Variants in TMEM74 observed in about 807,000 individuals in gnomAD.
TMEM74 encodes the protein transmembrane protein 74.
A neutral mutation model predicts 18.1 loss-of-function variants in TMEM74; 13 were observed. That is an observed-to-expected ratio of 0.72 (90% CI 0.47 to 1.14). The LOEUF is 1.14. Ranked by LOEUF, TMEM74 falls within the 50% of genes most tolerant of loss-of-function variation. The pLI, the probability that TMEM74 is intolerant of heterozygous loss-of-function variation, is 0.00. For missense variants in TMEM74, 372 were observed against 375.9 expected (o/e 0.99, Z 0.09); for synonymous variants, 159 against 146.6 (o/e 1.08, Z -0.61).
intron 2 of TMEM74, among the ~76,000 whole-genome samples, chr8:108,616,554 TTTA>T (rs1812385952): frequency 6.6e-6 from 1 of 152,182 alleles, no homozygotes; most frequent in African/African-American, 2.4e-5. Context: ...CAAGAATTAT[TTTA>T]TTATTTGATC....
In TMEM74 at chr8:108,784,884, T is replaced by G; in HGVS notation, c.215A>C (p.Gln72Pro). The G allele has an allele frequency of 1.2e-6, 2 of 1,614,164 alleles. No homozygotes were observed. The highest frequency in any genetic ancestry group is 1.7e-6 in the Non-Finnish European group (2 of 1,180,026). ...GGCATCTGGCTGAAGAGTACTGTTT[T>G]GCAGAGAGGAGGAGGGGGATGCTGG... is the stretch of plus-strand genomic sequence containing the variant. Reference protein sequence around the residue: ...SSPASPSSSLQNSTLQPDAFP... With the variant: ...SSPASPSSSLPNSTLQPDAFP... Residue 72 changes from glutamine (Q) to proline (P), a missense_variant, in exon 2 of 2, where the codon CAA (glutamine) becomes CCA (proline). By Grantham distance (76) the Gln-to-Pro change is moderately conservative. Transcript: ENST00000297459.
chr8:108,707,853 A>G (rs1813432359), intron 1 of TMEM74, among the ~76,000 whole-genome samples: 1 of 152,204 alleles, frequency 6.6e-6, no homozygotes, highest in Non-Finnish European at 1.5e-5. Context: ...GGATTATATC[A>G]AAGTAAAACA....
chr8:108,655,657 C>G (rs1268693414), intron 1 of TMEM74, among the ~76,000 whole-genome samples: 1 of 152,128 alleles, frequency 6.6e-6, no homozygotes, highest in Non-Finnish European at 1.5e-5. Flanking sequence ...CTTCTTGGCT[C>G]AATTCCCACC....
intron 1 of TMEM74, among the ~76,000 whole-genome samples, chr8:108,700,533 G>A (rs1221135034): frequency 6.6e-6 from 1 of 152,046 alleles, no homozygotes; most frequent in African/African-American, 2.4e-5. Flanking sequence ...TATATTAAAG[G>A]TACATTATGG....
At chr8:108,666,023 C>T (rs1168969853) in intron 1 of TMEM74, among the ~76,000 whole-genome samples, 1 of 151,914 alleles carries the variant, frequency 6.6e-6, no homozygotes, top group Non-Finnish European at 1.5e-5. Context: ...GTTTTTATTG[C>T]CTTGATGTTG....
At position 108,731,086 on chromosome 8, in the gene TMEM74, T is replaced by G. The variant is rs531396808; in HGVS notation, n.119+56390A>C. On this transcript the variant is annotated intron_variant and non_coding_transcript_variant, in intron 1 of 3. Coordinates refer to the TMEM74 transcript ENST00000518838. Reference sequence around the variant, plus strand: ...ATTCTTTTTTATTTTCATATCTTTTTCATTCATCTCTTAAATTTGCCTTTT... The same window carrying G: ...ATTCTTTTTTATTTTCATATCTTTTGCATTCATCTCTTAAATTTGCCTTTT... Among the ~76,000 whole-genome samples the G allele has an allele frequency of 3.9e-5, 6 of 152,300 alleles. No homozygotes were observed. In the East Asian group the frequency reaches 1.2e-3, roughly 29 times the overall value.
At chr8:108,726,457 A>T (rs545946614) in intron 1 of TMEM74, among the ~76,000 whole-genome samples, 1 of 152,208 alleles carries the variant, frequency 6.6e-6, no homozygotes, top group Non-Finnish European at 1.5e-5. Context: ...AGATAGAAGA[A>T]ACTAAAGAAT....
intron 1 of TMEM74, among the ~76,000 whole-genome samples, chr8:108,718,033 A>G (rs1813545855): frequency 1.6e-5 from 1 of 63,546 alleles, no homozygotes; most frequent in Non-Finnish European, 2.4e-5. Flanking sequence ...ATCTCGGCTC[A>G]CTGCAAGCTC....
intron 3 of TMEM74, among the ~76,000 whole-genome samples, chr8:108,608,429 G>A (rs1284518650): frequency 2.6e-5 from 4 of 152,104 alleles, no homozygotes; most frequent in African/African-American, 9.7e-5. Flanking sequence ...TTTGAGGTCA[G>A]TACTCAGATC....
At chr8:108,718,342 A>AAAG (rs769546750) in intron 1 of TMEM74, among the ~76,000 whole-genome samples, 6 of 152,152 alleles carry the variant, frequency 3.9e-5, no homozygotes, top group Non-Finnish European at 8.8e-5. Flanking sequence ...TATGCAGTGT[A>AAAG]TTAATATAGT....
intron 2 of TMEM74, among the ~76,000 whole-genome samples, chr8:108,633,645 A>G (rs915377454): frequency 3.3e-5 from 5 of 152,012 alleles, no homozygotes; most frequent in African/African-American, 1.2e-4. Flanking sequence ...TTTATCTTCC[A>G]GTCTTTGTTC....
At chr8:108,636,273 G>A (rs1298767181) in intron 2 of TMEM74, among the ~76,000 whole-genome samples, 1 of 152,034 alleles carries the variant, frequency 6.6e-6, no homozygotes, top group South Asian at 2.1e-4. Flanking sequence ...TGTATGAGGA[G>A]CCCAGAGAGT....
intron 1 of TMEM74, among the ~76,000 whole-genome samples, chr8:108,749,810 A>C (rs1813886999): frequency 6.6e-6 from 1 of 152,118 alleles, no homozygotes; most frequent in South Asian, 2.1e-4. Context: ...CACTTGGAGT[A>C]CCTTGACTGC....
At position 108,782,883 on chromosome 8, in the gene TMEM74, G is replaced by C. The variant is rs920876762; in HGVS notation, c.*1298C>G. Among the ~76,000 whole-genome samples, 1 of 152,138 alleles carries C rather than the reference G, an allele frequency of 6.6e-6. No individual in the cohort carries two copies. Among genetic ancestry groups the C allele is most frequent in the African/African-American group, 2.4e-5 (1 of 41,430 alleles). The stretch of plus-strand genomic sequence containing the variant: ...AGGCTGCATTTCCCATCCCTTTTCT[G>C]AACCGTCACCATAATGAGGCGGTCT... On this transcript the variant is annotated 3_prime_UTR_variant, in exon 2 of 2. Coordinates refer to ENST00000297459, the MANE Select transcript of TMEM74 (RefSeq NM_153015.3).
At chr8:108,718,186 C>T (rs1289025983) in intron 1 of TMEM74, among the ~76,000 whole-genome samples, 1 of 71,892 alleles carries the variant, frequency 1.4e-5, no homozygotes, top group Non-Finnish European at 2.2e-5. Context: ...TCTCGATCTC[C>T]TGACCTCGTG....
chr8:108,705,269 C>T (rs899500309), intron 1 of TMEM74, among the ~76,000 whole-genome samples: 1 of 152,160 alleles, frequency 6.6e-6, no homozygotes, highest in Admixed American at 6.5e-5. Flanking sequence ...AGTCAACGAA[C>T]TTGATGCTTG....
chr8:108,785,140 G>T lies in TMEM74; in HGVS notation c.-39-3C>A. 4 of 1,535,726 alleles carry T rather than the reference G, an allele frequency of 2.6e-6. No individual in the cohort carries two copies. The highest frequency in any genetic ancestry group is 3.5e-6 in the Non-Finnish European group (4 of 1,145,726). On this transcript the variant is annotated splice_polypyrimidine_tract_variant and splice_region_variant and intron_variant, in intron 1 of 1. Coordinates refer to ENST00000297459, the MANE Select transcript of TMEM74 (RefSeq NM_153015.3). Reference sequence around the variant, plus strand: ...TCCCCCAGCAGCTTCCGGAAAGTCTGCCAATAGCAACAGAGTTAGATAAGA... The same window carrying T: ...TCCCCCAGCAGCTTCCGGAAAGTCTTCCAATAGCAACAGAGTTAGATAAGA...
chr8:108,741,039 T>C (rs1813795016), intron 1 of TMEM74, among the ~76,000 whole-genome samples: 1 of 152,224 alleles, frequency 6.6e-6, no homozygotes, highest in African/African-American at 2.4e-5. Flanking sequence ...TGTGAAACAA[T>C]ATAGATAATA....
intron 1 of TMEM74, among the ~76,000 whole-genome samples, chr8:108,657,993 C>T (rs1326117724): frequency 6.8e-6 from 1 of 146,794 alleles, no homozygotes; most frequent in Non-Finnish European, 1.5e-5. Flanking sequence ...GAACAAGAGT[C>T]TGGTAGACAC....
Sources: gnomAD v4.1 joint callset for allele counts (sites outside exome capture counted in the v4.1 genomes callset) on GRCh38, gnomAD v4.1.1 for gene constraint, MANE v1.5 for transcripts, NCBI Gene and HGNC (gene_info 2026-07-23, HGNC 2026-07-21) for gene names.